Variants in CAMK2A observed in about 807,000 individuals in gnomAD.
The protein encoded by CAMK2A is calcium/calmodulin-dependent protein kinase type II subunit alpha.
In CAMK2A, 7 loss-of-function variants were observed where a neutral mutation model predicts 79.2. That is an observed-to-expected ratio of 0.09 (90% CI 0.05 to 0.17). The LOEUF (loss-of-function observed/expected upper bound fraction) is 0.17, where lower values mean the gene tolerates loss of function less well. CAMK2A is among the 10% of genes least tolerant of loss of function. The probability of loss-of-function intolerance (pLI) is 1.00; values close to 1 mark genes in which losing one functional copy is unlikely to be tolerated. For synonymous variants in CAMK2A, 242 were observed against 251.7 expected (o/e 0.96, Z 0.36); for missense variants, 214 against 646.4 (o/e 0.33, Z 7.25).
In CAMK2A at chr5:150,267,896, C is replaced by G. The variant is rs1453740396; in HGVS notation, c.158-2881G>C. ...GAGCTTTTTTTTTTTTTTTTTGAGA[C>G]AGAGTCTCGCTGTGTCGGCCAGACT... On this transcript the variant is annotated intron_variant, in intron 2 of 18. Transcript: ENST00000671881. Among the ~76,000 whole-genome samples, 12 of 140,354 alleles carry G rather than the reference C, an allele frequency of 8.5e-5. No homozygotes were observed. In the Admixed American group the frequency reaches 8.9e-4, roughly 10 times the overall value. The allele number at this position is 140,354 out of a possible 152,430, so 92.1% of individuals were successfully genotyped here. A position where few individuals can be genotyped will look rare whatever the true frequency, so the allele number is the denominator to read the frequency against.
Position 150,257,943 on chromosome 5 carries a change from T to G in CAMK2A, c.218-326A>C, listed in dbSNP as rs151171554. On this transcript the variant is annotated intron_variant, in intron 3 of 18. Coordinates refer to ENST00000671881, the MANE Select transcript of CAMK2A (RefSeq NM_015981.4). ...ATGGAAAGCCTGTGACTCCAATCTC[T>G]GCCACTTACTAGCCGTGTGACTTCT... Among the ~76,000 whole-genome samples, 40 of 152,386 alleles carry G rather than the reference T, an allele frequency of 2.6e-4. No individual in the cohort carries two copies. The East Asian group carries it at 6.7e-3, about 26-fold the overall frequency.
At chr5:150,286,943 T>C (rs1271991443) in intron 1 of CAMK2A, among the ~76,000 whole-genome samples, 4 of 152,226 alleles carry the variant, frequency 2.6e-5, no homozygotes, top group South Asian at 2.1e-4. Flanking sequence ...CACCATCTCA[T>C]TGAATGCTCA....
At chr5:150,265,311 C>A (rs1408151475) in intron 2 of CAMK2A, 5 of 385,948 alleles carry the variant, frequency 1.3e-5, no homozygotes. Flanking sequence ...TTCCTCAGGC[C>A]CTATACTCTA....
At chr5:150,251,869 C>A in intron 8 of CAMK2A, 25 bp from the exon 9 acceptor site, 1 of 1,581,020 alleles carries the variant, frequency 6.3e-7, no homozygotes, top group Non-Finnish European at 8.6e-7. Context: ...AGAGAACCTT[C>A]AACCCCCTGT....
intron 17 of CAMK2A, among the ~76,000 whole-genome samples, chr5:150,225,041 G>GGAGAGAGAGAGAGAGAGAGAGAGAGAGA (rs58360121): frequency 8.3e-5 from 9 of 108,930 alleles, no homozygotes; most frequent in South Asian, 3.1e-4. Flanking sequence ...TGGTAGGTAG[G>GGAGAGAGAGAGAGAGAGAGAGAGAGAGA]GAGAGAGAGA....
At chr5:150,236,110 T>G (rs1755046483) in intron 15 of CAMK2A, among the ~76,000 whole-genome samples, 1 of 152,106 alleles carries the variant, frequency 6.6e-6, no homozygotes, top group Non-Finnish European at 1.5e-5. Flanking sequence ...TTCAAGACTT[T>G]GCAAATTACC....
At position 150,271,709 on chromosome 5, in the gene CAMK2A, G is replaced by A. The variant is rs574548257; in HGVS notation, c.157+1356C>T. On this transcript the variant is annotated intron_variant, in intron 2 of 18. Transcript: ENST00000671881. ...TTATACACCATTTCATTCAGGGTGG[G>A]GACTGGCCTCTCTGAAGATAACCCT... is the stretch of plus-strand genomic sequence containing the variant. 5.3e-5 allele frequency among the ~76,000 whole-genome samples: 8 copies of A among 152,304 alleles called. No homozygotes were observed. In the South Asian group the frequency reaches 1.7e-3, roughly 32 times the overall value.
chr5:150,222,332 C>G lies in CAMK2A; in HGVS notation c.*378G>C. The stretch of plus-strand genomic sequence containing the variant: ...GACGGACGGATGCTGCCTTCCTCAT[C>G]ATGCCACCCCTCCTTCTCCCCAGCC... On this transcript the variant is annotated 3_prime_UTR_variant, in exon 19 of 19. Transcript: ENST00000671881. 1.6e-6 allele frequency: 1 copy of G among 609,862 alleles called. No individual in the cohort carries two copies. The highest frequency in any genetic ancestry group is 1.9e-5 in the South Asian group (1 of 52,196). The allele number at this position is 609,862 out of a possible 1,614,324, so 37.8% of individuals were successfully genotyped here.
intron 1 of CAMK2A, among the ~76,000 whole-genome samples, chr5:150,288,484 G>A (rs550886991): frequency 6.6e-6 from 1 of 152,212 alleles, no homozygotes; most frequent in South Asian, 2.1e-4. Context: ...GCGTACCCCA[G>A]TGTCACAAGC....
chr5:150,273,372 C>T (rs754150973), intron 1 of CAMK2A, among the ~76,000 whole-genome samples: 9 of 152,140 alleles, frequency 5.9e-5, no homozygotes, highest in Non-Finnish European at 8.8e-5. Flanking sequence ...AGAAGCTTGG[C>T]CTCAAGTGAG....
chr5:150,242,142 G>A (rs547508162), intron 13 of CAMK2A, among the ~76,000 whole-genome samples: 10 of 152,340 alleles, frequency 6.6e-5, no homozygotes, highest in African/African-American at 2.2e-4. Flanking sequence ...CCAGGCCTGG[G>A]GTGGCCGGGA....
intron 11 of CAMK2A, among the ~76,000 whole-genome samples, chr5:150,249,174 C>T (rs1160924553): frequency 6.6e-6 from 1 of 152,242 alleles, no homozygotes; most frequent in Admixed American, 6.5e-5. Context: ...CCTCTTCCCT[C>T]ATCATCCCCA....
At chr5:150,277,938 A>G (rs1757024505) in intron 1 of CAMK2A, among the ~76,000 whole-genome samples, 1 of 152,206 alleles carries the variant, frequency 6.6e-6, no homozygotes, top group Non-Finnish European at 1.5e-5. Context: ...CTATGAAGAG[A>G]ATCCAGGTCA....
At chr5:150,240,022 G>A (rs1219110215) in intron 13 of CAMK2A, among the ~76,000 whole-genome samples, 3 of 152,166 alleles carry the variant, frequency 2.0e-5, no homozygotes, top group African/African-American at 7.2e-5. Flanking sequence ...TGGGACCAGG[G>A]CTACCCACCC....
At chr5:150,245,314 G>A (rs1282196196) in intron 12 of CAMK2A, 113 bp from the exon 13 acceptor site, 1 of 916,872 alleles carries the variant, frequency 1.1e-6, no homozygotes, top group East Asian at 2.6e-5. Context: ...AGGGAGCAGA[G>A]CTGGCCCAGC....
At chr5:150,266,947 G>C (rs1478480158) in intron 2 of CAMK2A, among the ~76,000 whole-genome samples, 1 of 152,136 alleles carries the variant, frequency 6.6e-6, no homozygotes, top group Non-Finnish European at 1.5e-5. Context: ...CCCTTCACTA[G>C]AGCAATCACT....
chr5:150,261,072 C>G (rs963654549), intron 3 of CAMK2A, among the ~76,000 whole-genome samples: 3 of 152,164 alleles, frequency 2.0e-5, no homozygotes, highest in Non-Finnish European at 4.4e-5. Context: ...GGGCCTCAGC[C>G]CCTTTAGAGA....
At chr5:150,269,668 A>C (rs758312238) in intron 2 of CAMK2A, among the ~76,000 whole-genome samples, 7 of 152,200 alleles carry the variant, frequency 4.6e-5, no homozygotes, top group African/African-American at 9.6e-5. Context: ...TCTAATAATT[A>C]GTGGACTCCA....
chr5:150,254,306 G>A (rs961351584), intron 6 of CAMK2A, among the ~76,000 whole-genome samples: 2 of 152,142 alleles, frequency 1.3e-5, no homozygotes, highest in African/African-American at 4.8e-5. Flanking sequence ...TTCCTTATCT[G>A]TCCTGTTCAC....
Sources: allele counts gnomAD v4.1 joint callset (sites outside exome capture counted in the v4.1 genomes callset), GRCh38; gene constraint gnomAD v4.1.1; transcripts MANE v1.5; gene names NCBI Gene and HGNC (gene_info 2026-07-23, HGNC 2026-07-21).